The following MED13 variants were observed in gnomAD, a reference collection of about 807,000 sequenced individuals.
The protein encoded by MED13 is mediator of RNA polymerase II transcription subunit 13.
MED13 carries 23 observed loss-of-function variants against 225.2 expected under a neutral mutation model. The ratio of observed to expected loss-of-function variants is 0.10; its 90% CI spans 0.07 to 0.14. The LOEUF is 0.14. Among genes scored for constraint, MED13 ranks in the 10% least tolerant of loss-of-function variants. The pLI, the probability that MED13 is intolerant of heterozygous loss-of-function variation, is 1.00. For synonymous variants in MED13, 942 were observed against 889.2 expected (o/e 1.06, Z -1.06); for missense variants, 2,197 against 2,594.5 (o/e 0.85, Z 3.33).
At position 62,031,521 on chromosome 17, in the gene MED13, A is replaced by C; in HGVS notation, c.932T>G (p.Val311Gly). The C allele has an allele frequency of 1.2e-6, 2 of 1,614,052 alleles. No individual in the cohort carries two copies. The highest frequency in any genetic ancestry group is 1.7e-6 in the Non-Finnish European group (2 of 1,179,976). ...AGCAGGATCTCTTGTGGAAGCAGGC[A>C]CTTGGTGGACACCCAAGCAAGAAGA... ...CSSSCLGVHQVPASTRDPAMS... is the reference protein window; with the variant it reads ...CSSSCLGVHQGPASTRDPAMS... The change falls in exon 6 of 30, where the codon GTG (valine) becomes GGG (glycine). Residue 311 changes from valine to glycine, a missense_variant. Around this residue, in one of 12 missense-constraint regions of MED13, gnomAD observed 884 missense variants for 918.5 expected, o/e 0.96. Coordinates refer to ENST00000397786, the MANE Select transcript of MED13 (RefSeq NM_005121.3).
intron 3 of MED13, among the ~76,000 whole-genome samples, chr17:62,041,155 A>G (rs1190701924): frequency 6.6e-6 from 1 of 152,238 alleles, no homozygotes; most frequent in African/African-American, 2.4e-5. Flanking sequence ...AGATTAATAC[A>G]TAAACAAAAT....
chr17:62,054,758 G>A (rs1033591034), intron 2 of MED13, among the ~76,000 whole-genome samples: 1 of 152,116 alleles, frequency 6.6e-6, no homozygotes, highest in African/African-American at 2.4e-5. Context: ...AATTCCAACA[G>A]AATTATGTTA....
At chr17:61,989,446 A>C (rs895353883) in intron 11 of MED13, among the ~76,000 whole-genome samples, 1 of 152,026 alleles carries the variant, frequency 6.6e-6, no homozygotes, top group Admixed American at 6.6e-5. Context: ...GATTCAAGCA[A>C]TTCTGCCTCA....
chr17:62,057,945 G>A (rs2081008276), intron 2 of MED13, among the ~76,000 whole-genome samples: 1 of 152,014 alleles, frequency 6.6e-6, no homozygotes, highest in African/African-American at 2.4e-5. Context: ...TTTATTTAAA[G>A]GGAAAGAATA....
At chr17:61,965,502 T>C (rs773879481) in intron 19 of MED13, 34 bp from the exon 20 acceptor site, 2 of 1,547,116 alleles carry the variant, frequency 1.3e-6, no homozygotes, top group Non-Finnish European at 1.8e-6. Flanking sequence ...AATTTAATTC[T>C]TTATTTCACT....
chr17:61,982,314 T>C lies in MED13; in HGVS notation c.3689A>G (p.Asn1230Ser), dbSNP rs765910362. Residue 1230 changes from asparagine (N) to serine (S), a missense_variant, in exon 16 of 30, where the codon AAT (asparagine) becomes AGT (serine). Asn to Ser is a conservative substitution (Grantham distance 46). Coordinates refer to ENST00000397786, the MANE Select transcript of MED13 (RefSeq NM_005121.3). ...ATGTTCTAATGCAAGGTAGCAGTCATTGCAACAGTCACGCTCTTCAACACG... is the reference window on the plus strand; with the variant it reads ...ATGTTCTAATGCAAGGTAGCAGTCACTGCAACAGTCACGCTCTTCAACACG... ...WVRVEERDCC[N>S]DCYLALEHGR... 46 of 1,614,106 alleles carry C rather than the reference T, an allele frequency of 2.8e-5. No homozygotes were observed. The Admixed American group carries it at 6.0e-4, about 21-fold the overall frequency.
At chr17:61,953,603 T>C (rs893292000) in intron 26 of MED13, among the ~76,000 whole-genome samples, 11 of 152,270 alleles carry the variant, frequency 7.2e-5, no homozygotes, top group African/African-American at 2.4e-4. Context: ...CAAGGAAACA[T>C]TTTCCCTTAG....
At chr17:61,959,030 T>C (rs2079974446) in intron 23 of MED13, among the ~76,000 whole-genome samples, 1 of 151,666 alleles carries the variant, frequency 6.6e-6, no homozygotes, top group Non-Finnish European at 1.5e-5. Flanking sequence ...TAAGACAGAC[T>C]TTCGCTCTTG....
Position 62,039,275 on chromosome 17 carries a change from G to A in MED13, c.471-3667C>T, listed in dbSNP as rs2080832284. Among the ~76,000 whole-genome samples the A allele has an allele frequency of 2.0e-5, 3 of 152,246 alleles. No individual in the cohort carries two copies. In the South Asian group the frequency reaches 6.2e-4, roughly 32 times the overall value. Reference sequence around the variant, plus strand: ...TAAACCAAGTTTGTATGTGATACTGGAGGGAAACAATATTCTAAATATGTG... The same window carrying A: ...TAAACCAAGTTTGTATGTGATACTGAAGGGAAACAATATTCTAAATATGTG... On this transcript the variant is annotated intron_variant, in intron 3 of 29. Transcript: ENST00000397786.
intron 9 of MED13, among the ~76,000 whole-genome samples, chr17:62,001,772 A>G (rs1567969810): frequency 1.3e-5 from 2 of 152,222 alleles, no homozygotes; most frequent in Non-Finnish European, 2.9e-5. Flanking sequence ...CCATTAGACT[A>G]CAATTTCATT....
At chr17:62,038,649 C>A (rs1453724496) in intron 3 of MED13, among the ~76,000 whole-genome samples, 1 of 152,072 alleles carries the variant, frequency 6.6e-6, no homozygotes, top group Non-Finnish European at 1.5e-5. Flanking sequence ...CCCTAACAGT[C>A]TTTCCAATGA....
Position 62,011,061 on chromosome 17 carries a change from C to A in MED13, c.1456G>T (p.Val486Phe). Residue 486 changes from valine (V) to phenylalanine (F), a missense_variant, in exon 9 of 30, where the codon GTT (valine) becomes TTT (phenylalanine). This residue lies in a region of MED13 where 884 missense variants were observed against 918.5 expected (regional missense o/e 0.96). Transcript: ENST00000397786. ...CTGGCTGAATCTGCGTCCATGCCAA[C>A]ATCATCACTAACAGACACACGATGG... is the stretch of plus-strand genomic sequence containing the variant. Reference protein sequence around the residue: ...FHHRVSVSDDVGMDADSASQR... With the variant: ...FHHRVSVSDDFGMDADSASQR... 1 of 1,614,224 alleles carries A rather than the reference C, an allele frequency of 6.2e-7. No homozygotes were observed. The highest frequency in any genetic ancestry group is 8.5e-7 in the Non-Finnish European group (1 of 1,180,030).
intron 8 of MED13, among the ~76,000 whole-genome samples, chr17:62,021,912 A>G (rs1183845460): frequency 6.6e-6 from 1 of 152,150 alleles, no homozygotes; most frequent in Non-Finnish European, 1.5e-5. Context: ...CACGTCTGTA[A>G]TTCCTGCACT....
At chr17:62,030,355 G>T (rs1056528483) in intron 6 of MED13, 2 of 169,342 alleles carry the variant, frequency 1.2e-5, no homozygotes, top group Non-Finnish European at 2.5e-5. Context: ...CTATCCTGAT[G>T]CCCAGAGTGA....
chr17:61,964,972 A>T (rs754869128), intron 20 of MED13, 34 bp downstream of exon 20: 6 of 1,570,042 alleles, frequency 3.8e-6, no homozygotes, highest in Middle Eastern at 1.7e-4. Context: ...CATAGTTTTT[A>T]TATTTCTGCA....
intron 16 of MED13, among the ~76,000 whole-genome samples, chr17:61,973,324 GA>G (rs1219792968): frequency 3.4e-5 from 5 of 149,224 alleles, no homozygotes; most frequent in Admixed American, 6.7e-5. Context: ...AGTTTAATTT[GA>G]AAAAAAAAGT....
chr17:61,983,377 C>T (rs933374135), intron 15 of MED13, among the ~76,000 whole-genome samples: 8 of 152,076 alleles, frequency 5.3e-5, no homozygotes, highest in African/African-American at 1.9e-4. Context: ...ACCTAGACAT[C>T]CATATTTACT....
chr17:62,039,325 C>T (rs1165202790), intron 3 of MED13, among the ~76,000 whole-genome samples: 1 of 152,174 alleles, frequency 6.6e-6, no homozygotes, highest in Non-Finnish European at 1.5e-5. Flanking sequence ...CTCTGTTGCC[C>T]AAGATGGAGT....
chr17:61,973,010 C>G lies in MED13; in HGVS notation c.3806-122G>C, dbSNP rs1009193087. ...GTCTTCAGCATCAAGAAGATTAAAC[C>G]CTTACTTGTGCAGAGAATTGCATTA... On this transcript the variant is annotated intron_variant, in intron 16 of 29. Coordinates refer to ENST00000397786, the MANE Select transcript of MED13 (RefSeq NM_005121.3). 3 of 690,902 alleles carry G rather than the reference C, an allele frequency of 4.3e-6. No individual in the cohort carries two copies. The African/African-American group carries it at 5.4e-5, about 12-fold the overall frequency. 42.8% of individuals were successfully genotyped at this position (690,902 alleles called of 1,614,324 possible).
Sources: allele counts gnomAD v4.1 joint callset (sites outside exome capture counted in the v4.1 genomes callset), GRCh38; gene constraint gnomAD v4.1.1; regional missense constraint gnomAD v4.1.1; transcripts MANE v1.5; gene names NCBI Gene and HGNC (gene_info 2026-07-23, HGNC 2026-07-21).